FRMPD3: variants seen among roughly 807,000 people sequenced by gnomAD.
FRMPD3 encodes the protein FERM and PDZ domain-containing protein 3.
In FRMPD3, 42 loss-of-function variants were observed where a neutral mutation model predicts 97.9. The ratio of observed to expected loss-of-function variants is 0.43; its 90% CI spans 0.34 to 0.55. The LOEUF is 0.55. Among genes scored for constraint, FRMPD3 ranks in the 20% least tolerant of loss-of-function variants. FRMPD3 has a pLI of 0.03. For missense variants in FRMPD3, 1,303 were observed against 1,457.7 expected, an observed-to-expected ratio of 0.89 and a Z score of 1.73; for synonymous variants, 577 against 581.1, an observed-to-expected ratio of 0.99 and a Z score of 0.10.
At chrX:107,468,536 G>A (rs1478481829) in intron 1 of FRMPD3, among the ~76,000 whole-genome samples, 3 of 112,153 alleles carry the variant, frequency 2.7e-5, no homozygotes, top group African/African-American at 9.7e-5. Context: ...AGAAACAAGG[G>A]GCTGTGCTGA....
At chrX:107,531,111 TAC>T (rs35430860) in intron 3 of FRMPD3, among the ~76,000 whole-genome samples, 11,773 of 92,467 alleles carry the variant, frequency 0.13, 1,007 homozygotes, top group African/African-American at 0.29. Flanking sequence ...CTGTGCACAT[TAC>T]ACACACACAC....
intron 1 of FRMPD3, among the ~76,000 whole-genome samples, chrX:107,509,136 TC>T (rs34890003): frequency 8.9e-6 from 1 of 112,243 alleles, no homozygotes; most frequent in South Asian, 3.7e-4. Context: ...TGTGGCCAGG[TC>T]CCTTGCTGAT....
intron 1 of FRMPD3, among the ~76,000 whole-genome samples, chrX:107,510,683 C>T (rs1187350883): frequency 1.8e-5 from 2 of 111,977 alleles, no homozygotes; most frequent in African/African-American, 6.5e-5. Context: ...ATAATTCTTC[C>T]CTCCCTCTCA....
chrX:107,564,472 C>G (rs1455942789), intron 11 of FRMPD3, among the ~76,000 whole-genome samples: 1 of 112,171 alleles, frequency 8.9e-6, no homozygotes, highest in Non-Finnish European at 1.9e-5. Flanking sequence ...AAAGACCAGA[C>G]ACAGGATGCC....
At chrX:107,549,903 C>G in intron 5 of FRMPD3, 146 bp from the exon 6 acceptor site, 1 of 450,909 alleles carries the variant, frequency 2.2e-6, no homozygotes, top group Non-Finnish European at 3.9e-6. Context: ...TATTATTGAT[C>G]TGCTCTTTCC....
In FRMPD3 at chrX:107,601,180, C is replaced by G; in HGVS notation, c.3141C>G (p.Leu1047=). The G allele has an allele frequency of 8.3e-7, 1 of 1,210,454 alleles. No homozygotes were observed. The highest frequency in any genetic ancestry group is 1.1e-6 in the Non-Finnish European group (1 of 895,083). ...GCAGCCGGGCTGACAGCCTGCACCTCTCCCAACAAGAGGACAGTCTGCCTG... is the reference window on the plus strand; with the variant it reads ...GCAGCCGGGCTGACAGCCTGCACCTGTCCCAACAAGAGGACAGTCTGCCTG... The part of the protein sequence containing the change: ...PTGSRADSLH[L]SQQEDSLPVQ... Residue 1047 remains leucine, a synonymous_variant, in exon 15 of 15, where the codon CTC becomes CTG. Transcript: ENST00000683843.
intron 14 of FRMPD3, among the ~76,000 whole-genome samples, chrX:107,599,934 T>C (rs1187001274): frequency 1.8e-5 from 2 of 111,701 alleles, no homozygotes; most frequent in African/African-American, 3.3e-5. Context: ...CTGAGGGTTC[T>C]GCATCCACTG....
rs141716631 is a variant in FRMPD3 at position 107,454,684 on chromosome X, C to A, written c.-8+4679C>A. Among the ~76,000 whole-genome samples the A allele has an allele frequency of 5.4e-3, 601 of 111,924 alleles. 3 individuals are homozygous for A. The highest frequency in any genetic ancestry group is 0.019 in the African/African-American group (583 of 30,817). ...TATTCATAATGCTTCTGATCATCAT[C>A]CTTGGAGGGTGATACCTGATTGCCT... On this transcript the variant is annotated intron_variant, in intron 1 of 14. Coordinates refer to ENST00000683843, the MANE Select transcript of FRMPD3 (RefSeq NM_001388459.1).
intron 1 of FRMPD3, among the ~76,000 whole-genome samples, chrX:107,520,496 A>AC (rs1435486693): frequency 3.8e-4 from 41 of 108,974 alleles, no homozygotes; most frequent in African/African-American, 1.3e-3. Context: ...AAAAAAAAAA[A>AC]AACACACACA....
chrX:107,602,314 C>T lies in FRMPD3; in HGVS notation c.4275C>T (p.Ala1425=). 1 of 1,210,248 alleles carries T rather than the reference C, an allele frequency of 8.3e-7. No individual in the cohort carries two copies. Among genetic ancestry groups the T allele is most frequent in the Non-Finnish European group, 1.1e-6 (1 of 895,005 alleles). ...HPPLGMLPRE[A]KEVEASLPIA... ...CCCTGGGCATGCTGCCCAGGGAGGC[C>T]AAGGAGGTAGAGGCAAGCCTCCCCA... The change falls in exon 15 of 15, where the codon GCC becomes GCT. Residue 1425 remains alanine (A), a synonymous_variant. Coordinates refer to ENST00000683843, the MANE Select transcript of FRMPD3 (RefSeq NM_001388459.1).
At chrX:107,507,449 G>A (rs1471334789) in intron 1 of FRMPD3, among the ~76,000 whole-genome samples, 6 of 110,724 alleles carry the variant, frequency 5.4e-5, no homozygotes, top group Non-Finnish European at 7.6e-5. Context: ...CAGGGGCGGA[G>A]GCGGCCCCTC....
intron 1 of FRMPD3, among the ~76,000 whole-genome samples, chrX:107,505,853 A>G (rs947349793): frequency 2.7e-5 from 3 of 112,396 alleles, no homozygotes; most frequent in African/African-American, 9.7e-5. Flanking sequence ...TTAAAAAGGA[A>G]TGGGTGGTGT....
Position 107,530,851 on chromosome X carries a change from G to A in FRMPD3, c.251+340G>A, listed in dbSNP as rs746447430. Among the ~76,000 whole-genome samples the A allele has an allele frequency of 5.5e-5, 6 of 109,766 alleles. No individual in the cohort carries two copies. In the East Asian group the frequency reaches 1.1e-3, roughly 21 times the overall value. ...AGACCAAGTGACAGATGAGAATCAA[G>A]CCATTAAAAGAACATCCTAGATATG... On this transcript the variant is annotated intron_variant, in intron 3 of 14. Transcript: ENST00000683843.
intron 1 of FRMPD3, among the ~76,000 whole-genome samples, chrX:107,500,938 C>T (rs1477552611): frequency 1.8e-5 from 2 of 111,082 alleles, no homozygotes; most frequent in Admixed American, 9.6e-5. Flanking sequence ...ATTATTATTC[C>T]TAAAAGTTTA....
rs752427806 is a variant in FRMPD3, at chrX:107,600,905, A to G, written c.2866A>G (p.Ile956Val). 1 of 1,209,574 alleles carries G rather than the reference A, an allele frequency of 8.3e-7. No individual in the cohort carries two copies. Among genetic ancestry groups the G allele is most frequent in the East Asian group, 3.0e-5 (1 of 33,781 alleles). ...DPKSSVTPAI[I>V]SAALQQVVHN... ...AAAGAGCAGTGTGACCCCTGCCATC[A>G]TCTCGGCCGCCCTACAGCAAGTGGT... Residue 956 changes from isoleucine to valine, a missense_variant, in exon 15 of 15, where the codon ATC (isoleucine) becomes GTC (valine). By Grantham distance (29) the Ile-to-Val change is conservative. Around this residue, in one of 3 missense-constraint regions of FRMPD3, gnomAD observed 764 missense variants for 820.2 expected, o/e 0.93. Transcript: ENST00000683843.
In FRMPD3 at chrX:107,602,273, G is replaced by A; in HGVS notation, c.4234G>A (p.Val1412Ile). 3 of 1,209,362 alleles carry A rather than the reference G, an allele frequency of 2.5e-6. No individual in the cohort carries two copies. Among genetic ancestry groups the A allele is most frequent in the Non-Finnish European group, 3.4e-6 (3 of 894,570 alleles). ...TGACAGGGCCTCGCTGACCTCGGAT[G>A]TCTACCCACATCCTCCCCTGGGCAT... ...QGDRASLTSD[V>I]YPHPPLGMLP... Residue 1412 changes from valine (V) to isoleucine (I), a missense_variant, in exon 15 of 15, where the codon GTC (valine) becomes ATC (isoleucine). This residue lies in a region of FRMPD3 where 764 missense variants were observed against 820.2 expected (regional missense o/e 0.93). Coordinates refer to ENST00000683843, the MANE Select transcript of FRMPD3 (RefSeq NM_001388459.1).
At chrX:107,569,531 C>T (rs1456173937) in intron 12 of FRMPD3, among the ~76,000 whole-genome samples, 1 of 110,291 alleles carries the variant, frequency 9.1e-6, no homozygotes, top group Non-Finnish European at 1.9e-5. Context: ...AATGGCTTCC[C>T]TGGGCTCAGT....
intron 12 of FRMPD3, among the ~76,000 whole-genome samples, chrX:107,572,642 A>G (rs979668814): frequency 5.4e-5 from 6 of 110,420 alleles, no homozygotes; most frequent in Non-Finnish European, 9.5e-5. Context: ...GTAGGCTGAG[A>G]CAGGAGAATC....
intron 13 of FRMPD3, among the ~76,000 whole-genome samples, chrX:107,578,240 G>A (rs976842739): frequency 9.0e-6 from 1 of 111,724 alleles, no homozygotes; most frequent in Non-Finnish European, 1.9e-5. Flanking sequence ...ACTTTCAGAA[G>A]GCACTGGAGG....
Sources: allele counts gnomAD v4.1 joint callset (sites outside exome capture counted in the v4.1 genomes callset), GRCh38; gene constraint gnomAD v4.1.1; regional missense constraint gnomAD v4.1.1; transcripts MANE v1.5; gene names NCBI Gene and HGNC (gene_info 2026-07-23, HGNC 2026-07-21).